Variants in DES observed in about 807,000 individuals in gnomAD.
DES encodes desmin, also known as cardiomyopathy, dilated 1F (autosomal dominant).
DES carries 34 observed loss-of-function variants against 55.1 expected under a neutral mutation model. That is an observed-to-expected ratio of 0.62 (90% CI 0.47 to 0.82). The LOEUF is 0.82. Ranked by LOEUF, DES falls within the 40% of genes least tolerant of loss-of-function variation. DES has a pLI of 0.00. For synonymous variants in DES, 259 were observed against 270.8 expected, an observed-to-expected ratio of 0.96 and a Z score of 0.43; for missense variants, 596 against 645.9, an observed-to-expected ratio of 0.92 and a Z score of 0.84.
At position 219,426,091 on chromosome 2, in the gene DES, T is replaced by A. The variant is rs577767946; in HGVS notation, c.*101T>A. 39 of 1,366,592 alleles carry A rather than the reference T, an allele frequency of 2.9e-5. 1 individual carries two copies. In the East Asian group the frequency reaches 7.7e-4, roughly 27 times the overall value. 84.7% of individuals were successfully genotyped at this position (1,366,592 alleles called of 1,614,324 possible). ...CCCAGGACACCACACCCAGCCTCAGTCCTCCCCTCACAGCCTCTGACCCCT... is the reference window on the plus strand; with the variant it reads ...CCCAGGACACCACACCCAGCCTCAGACCTCCCCTCACAGCCTCTGACCCCT... On this transcript the variant is annotated 3_prime_UTR_variant, in exon 9 of 9. Transcript: ENST00000373960. This position sits in a 1 kb window ranked among gnomAD's most constrained non-coding sequence, Gnocchi z 4.5.
chr2:219,418,835 A>T lies in DES; in HGVS notation c.373A>T (p.Lys125Ter), dbSNP rs886043000. ...TGACCGCTTCGCCAACTACATCGAG[A>T]AGGTGCGCTTCCTGGAGCAGCAGAA... ...LNDRFANYIE[K>*]VRFLEQQNAA... Residue 125 changes from lysine to a stop codon, truncating the protein, a stop_gained, in exon 1 of 9, where the codon AAG becomes TAG. Transcript: ENST00000373960. LOFTEE classifies it high-confidence loss of function. 1 of 1,583,222 alleles carries T rather than the reference A, an allele frequency of 6.3e-7. No individual in the cohort carries two copies. The highest frequency in any genetic ancestry group is 1.8e-5 in the Admixed American group (1 of 54,990).
chr2:219,421,612 C>A, intron 6 of DES, 52 bp downstream of exon 6: 1 of 1,556,234 alleles, frequency 6.4e-7, no homozygotes, highest in Non-Finnish European at 8.8e-7. Flanking sequence ...CTGGGTGGTC[C>A]ATTTCTGTCC....
At position 219,420,695 on chromosome 2, in the gene DES, CT is replaced by C. The variant is rs1322203024; in HGVS notation, c.897+40del. 3.7e-6 allele frequency: 6 copies of C among 1,613,800 alleles called. No homozygotes were observed. Among genetic ancestry groups the C allele is most frequent in the African/African-American group, 1.3e-5 (1 of 74,886 alleles). On this transcript the variant is annotated intron_variant, in intron 4 of 8. Transcript: ENST00000373960. The surrounding 1 kb of genome is among the most constrained non-coding windows in gnomAD (Gnocchi z 6.0). The stretch of plus-strand genomic sequence containing the variant: ...CCCGGGGACTGGCATCTCCGTCCCC[CT>C]GAATCCCAGCTTGGATGTGCTGCCT...
intron 7 of DES, among the ~76,000 whole-genome samples, chr2:219,424,412 C>G (rs2666098): frequency 6.6e-6 from 1 of 152,206 alleles, no homozygotes; most frequent in Non-Finnish European, 1.5e-5. Context: ...GAGAAACACA[C>G]GATAATGATG....
In DES at chr2:219,419,821, G is replaced by A. The variant is rs1484007214; in HGVS notation, c.579-274G>A. The stretch of plus-strand genomic sequence containing the variant: ...GCTGGGAACCAGAAACACAGAGGTG[G>A]ATAAAATAGACACAGTTTCTAACCC... On this transcript the variant is annotated intron_variant, in intron 1 of 8. Transcript: ENST00000373960. The surrounding 1 kb of genome is among the most constrained non-coding windows in gnomAD (Gnocchi z 4.3). Among the ~76,000 whole-genome samples, 1 of 152,208 alleles carries A rather than the reference G, an allele frequency of 6.6e-6. No homozygotes were observed. The highest frequency in any genetic ancestry group is 1.5e-5 in the Non-Finnish European group (1 of 68,032).
intron 6 of DES, among the ~76,000 whole-genome samples, chr2:219,422,270 T>G (rs1168853674): frequency 6.6e-6 from 1 of 151,852 alleles, no homozygotes; most frequent in Non-Finnish European, 1.5e-5. Context: ...AGGGATAGGC[T>G]AAGAGAAGGT....
Position 219,425,942 on chromosome 2 carries a change from T to TC in DES, c.1372-3dup, listed in dbSNP as rs876657769. On this transcript the variant is annotated splice_region_variant and splice_polypyrimidine_tract_variant and intron_variant, in intron 8 of 8. Coordinates refer to ENST00000373960, the MANE Select transcript of DES (RefSeq NM_001927.4). The stretch of plus-strand genomic sequence containing the variant: ...CATGGTTGGACTGGGCTTCTCTTCC[T>TC]CCCCAGGTCGTCAGTGAGGCCACAC... 1.4e-5 allele frequency: 23 copies of TC among 1,613,754 alleles called. No individual in the cohort carries two copies. Among genetic ancestry groups the TC allele is most frequent in the Admixed American group, 1.2e-4 (7 of 59,980 alleles).
In DES at chr2:219,418,407, G is replaced by A. The variant is rs1954355489; in HGVS notation, c.-56G>A. On this transcript the variant is annotated 5_prime_UTR_variant, in exon 1 of 9. Transcript: ENST00000373960. ...CCCTCGCCGCATCCACTCTCCGGCC[G>A]GCCGCCTGCCCGCCGCCTCCTCCGT... 6.6e-7 allele frequency: 1 copy of A among 1,514,118 alleles called. No individual in the cohort carries two copies. The highest frequency in any genetic ancestry group is 1.2e-5 in the South Asian group (1 of 81,708). The allele number at this position is 1,514,118 out of a possible 1,614,324, so 93.8% of individuals were successfully genotyped here. A position where few individuals can be genotyped will look rare whatever the true frequency, so the allele number is the denominator to read the frequency against.
In DES at chr2:219,419,941, G is replaced by A; in HGVS notation, c.579-154G>A. On this transcript the variant is annotated intron_variant, in intron 1 of 8. Coordinates refer to ENST00000373960, the MANE Select transcript of DES (RefSeq NM_001927.4). The surrounding 1 kb of genome is among the most constrained non-coding windows in gnomAD (Gnocchi z 4.3). ...CTTCCTGTGCCCTCCCTGGGTGGGT[G>A]GGGCCTCTCCACTCCCTGTCTCTCC... 1.3e-6 allele frequency: 1 copy of A among 765,348 alleles called. No individual in the cohort carries two copies. Among genetic ancestry groups the A allele is most frequent in the Non-Finnish European group, 2.3e-6 (1 of 435,148 alleles). The allele number at this position is 765,348 out of a possible 1,614,324, so 47.4% of individuals were successfully genotyped here.
intron 7 of DES, 175 bp from the exon 8 acceptor site, chr2:219,425,488 C>G (rs1954518673): frequency 3.1e-6 from 2 of 647,764 alleles, no homozygotes; most frequent in Admixed American, 4.6e-5. Flanking sequence ...GAACCACCTG[C>G]TGGGTGCTGG....
Position 219,418,558 on chromosome 2 carries a change from G to GCCCGTGTT in DES, c.101_108dup (p.Arg37CysfsTer16). ...TCCCACTCGGCTCCCCGCTGAGTTCGCCCGTGTTCCCGCGGGCGGGTTTCG... is the reference window on the plus strand; with the variant it reads ...TCCCACTCGGCTCCCCGCTGAGTTCGCCCGTGTTCCCGTGTTCCCGCGGGCGGGTTTCG... On this transcript the variant is annotated frameshift_variant, in exon 1 of 9. Coordinates refer to ENST00000373960, the MANE Select transcript of DES (RefSeq NM_001927.4). LOFTEE classifies it high-confidence loss of function. 6.2e-7 allele frequency: 1 copy of GCCCGTGTT among 1,603,500 alleles called. No individual in the cohort carries two copies. The highest frequency in any genetic ancestry group is 8.5e-7 in the Non-Finnish European group (1 of 1,175,854).
chr2:219,419,078 C>T lies in DES; in HGVS notation c.578+38C>T. The T allele has an allele frequency of 6.5e-7, 1 of 1,535,564 alleles. No individual in the cohort carries two copies. Among genetic ancestry groups the T allele is most frequent in the Non-Finnish European group, 8.7e-7 (1 of 1,146,550 alleles). On this transcript the variant is annotated intron_variant, in intron 1 of 8. Transcript: ENST00000373960. The surrounding 1 kb of genome is among the most constrained non-coding windows in gnomAD (Gnocchi z 4.3). ...CACCCCAGACTCCTCTTTCTGCGGGCAGGGCACAGGAGGCTAGGCCTGGGG... is the reference window on the plus strand; with the variant it reads ...CACCCCAGACTCCTCTTTCTGCGGGTAGGGCACAGGAGGCTAGGCCTGGGG...
Position 219,418,918 on chromosome 2 carries a change from C to G in DES, c.456C>G (p.Ala152=). 3 of 1,561,470 alleles carry G rather than the reference C, an allele frequency of 1.9e-6. No homozygotes were observed. The highest frequency in any genetic ancestry group is 2.6e-6 in the Non-Finnish European group (3 of 1,152,648). The change falls in exon 1 of 9, where the codon GCC becomes GCG. Residue 152 remains alanine, a synonymous_variant. Transcript: ENST00000373960. ...AGGGCCGCGAGCCGACGCGAGTGGC[C>G]GAGCTCTACGAGGAGGAGCTGCGGG... ...RLKGREPTRV[A]ELYEEELREL...
chr2:219,422,461 A>ATT (rs1954462754), intron 6 of DES, among the ~76,000 whole-genome samples: 1 of 41,894 alleles, frequency 2.4e-5, no homozygotes, highest in African/African-American at 9.4e-5. Flanking sequence ...AATGTTCTAT[A>ATT]TCTTTTTTTT....
In DES at chr2:219,420,020, T is replaced by G; in HGVS notation, c.579-75T>G. 1.3e-6 allele frequency: 2 copies of G among 1,528,346 alleles called. No individual in the cohort carries two copies. The highest frequency in any genetic ancestry group is 1.8e-6 in the Non-Finnish European group (2 of 1,103,166). 94.7% of individuals were successfully genotyped at this position (1,528,346 alleles called of 1,614,324 possible). A position where few individuals can be genotyped will look rare whatever the true frequency, so the allele number is the denominator to read the frequency against. On this transcript the variant is annotated intron_variant, in intron 1 of 8. Transcript: ENST00000373960. The surrounding 1 kb of genome is among the most constrained non-coding windows in gnomAD (Gnocchi z 6.0). ...GCTCTGTCCTGGACCCACCCCCTGG[T>G]CAGCCCCCGGCCAGTCGTTTCCACT...
In DES at chr2:219,426,031, G is replaced by C. The variant is rs771171473; in HGVS notation, c.*41G>C. On this transcript the variant is annotated 3_prime_UTR_variant, in exon 9 of 9. Coordinates refer to ENST00000373960, the MANE Select transcript of DES (RefSeq NM_001927.4). This position sits in a 1 kb window ranked among gnomAD's most constrained non-coding sequence, Gnocchi z 4.5. ...GCCACCAGAGACCGTCCTCACCCCT[G>C]TCCTCACTGCTCCCTGAAGCCAGCC... is the stretch of plus-strand genomic sequence containing the variant. 1.9e-6 allele frequency: 3 copies of C among 1,610,794 alleles called. No individual in the cohort carries two copies. Among genetic ancestry groups the C allele is most frequent in the African/African-American group, 1.3e-5 (1 of 74,984 alleles).
At chr2:219,423,716 G>A in intron 6 of DES, 61 bp from the exon 7 acceptor site, 1 of 1,559,142 alleles carries the variant, frequency 6.4e-7, no homozygotes, top group East Asian at 2.3e-5. Flanking sequence ...TGGGATTACA[G>A]CTGGGCCCGG....
chr2:219,422,647 G>GTA, intron 6 of DES, among the ~76,000 whole-genome samples: 1 of 151,944 alleles, frequency 6.6e-6, no homozygotes, highest in Non-Finnish European at 1.5e-5. Flanking sequence ...TGTATTTTTA[G>GTA]TAGAGATGAG....
intron 6 of DES, 84 bp from the exon 7 acceptor site, chr2:219,423,693 C>G: frequency 7.3e-7 from 1 of 1,374,918 alleles, no homozygotes; most frequent in Non-Finnish European, 1.0e-6. Flanking sequence ...CCCGCCTCGG[C>G]CTTTCAAAGT....
Sources: gnomAD v4.1 joint callset for allele counts (sites outside exome capture counted in the v4.1 genomes callset) on GRCh38, gnomAD v4.1.1 for gene constraint, Gnocchi (gnomAD v3.1) non-coding constraint, MANE v1.5 for transcripts, NCBI Gene and HGNC (gene_info 2026-07-23, HGNC 2026-07-21) for gene names.